AASS: variants seen among roughly 807,000 people sequenced by gnomAD.
AASS encodes the protein alpha-aminoadipic semialdehyde synthase, mitochondrial.
Under a neutral mutation model 105.4 loss-of-function variants are expected in AASS, and 86 were observed. The ratio of observed to expected loss-of-function variants is 0.82; its 90% CI spans 0.69 to 0.98. The LOEUF is 0.98. Among genes scored for constraint, AASS ranks in the 50% least tolerant of loss-of-function variants. The pLI, the probability that AASS is intolerant of heterozygous loss-of-function variation, is 0.00. For synonymous variants in AASS, 381 were observed against 394.8 expected, an observed-to-expected ratio of 0.96 and a Z score of 0.41; for missense variants, 1,048 against 1,143.2, an observed-to-expected ratio of 0.92 and a Z score of 1.20.
chr7:122,107,867 C>T (rs1366312816), intron 11 of AASS, among the ~76,000 whole-genome samples: 2 of 150,228 alleles, frequency 1.3e-5, no homozygotes, highest in Non-Finnish European at 2.9e-5. Flanking sequence ...AACAAACCTG[C>T]ACATGTACCC....
intron 9 of AASS, among the ~76,000 whole-genome samples, chr7:122,114,520 G>A: frequency 6.6e-6 from 1 of 152,216 alleles, no homozygotes; most frequent in South Asian, 2.1e-4. Context: ...CAACGTACTA[G>A]GTGCTTGTGG....
chr7:122,108,968 C>T (rs1177026940), intron 11 of AASS, among the ~76,000 whole-genome samples: 1 of 151,832 alleles, frequency 6.6e-6, no homozygotes, highest in Non-Finnish European at 1.5e-5. Context: ...TTGCAGAATG[C>T]AAAATCAACA....
chr7:122,098,293 G>A (rs1369876329), intron 15 of AASS, among the ~76,000 whole-genome samples, 157 bp downstream of exon 15: 1 of 151,708 alleles, frequency 6.6e-6, no homozygotes, highest in Non-Finnish European at 1.5e-5. Context: ...AAAATTCATT[G>A]AGCTATATAC....
At chr7:122,108,661 G>A (rs934498679) in intron 11 of AASS, among the ~76,000 whole-genome samples, 13 of 151,942 alleles carry the variant, frequency 8.6e-5, no homozygotes, top group Admixed American at 7.9e-4. Flanking sequence ...TTGGCATACA[G>A]GGTACATACC....
chr7:122,084,465 A>G (rs538079884), intron 19 of AASS, among the ~76,000 whole-genome samples: 1 of 152,306 alleles, frequency 6.6e-6, no homozygotes, highest in South Asian at 2.1e-4. Flanking sequence ...TTTTCTTTTT[A>G]AGAACAGATA....
chr7:122,113,576 C>T, intron 10 of AASS, 22 bp downstream of exon 10: 1 of 1,612,522 alleles, frequency 6.2e-7, no homozygotes, highest in Non-Finnish European at 8.5e-7. Context: ...GGAATATCAT[C>T]TAACAACTTT....
At chr7:122,089,501 C>A (rs1174531269) in intron 18 of AASS, among the ~76,000 whole-genome samples, 1 of 152,152 alleles carries the variant, frequency 6.6e-6, no homozygotes, top group East Asian at 1.9e-4. Context: ...AAGAGGAGAA[C>A]TTCGAATTCA....
At chr7:122,118,661 A>G (rs376385622) in intron 4 of AASS, 31 bp from the exon 5 acceptor site, 2 of 1,605,058 alleles carry the variant, frequency 1.2e-6, no homozygotes, top group African/African-American at 1.3e-5. Context: ...TAGAAAGACT[A>G]TTAGTTGGGA....
intron 4 of AASS, among the ~76,000 whole-genome samples, chr7:122,123,312 A>G (rs559127408): frequency 6.6e-6 from 1 of 152,268 alleles, no homozygotes; most frequent in East Asian, 1.9e-4. Flanking sequence ...ACATTTCCAT[A>G]TTCATACCAT....
At chr7:122,102,332 T>C (rs1264274807) in intron 11 of AASS, among the ~76,000 whole-genome samples, 1 of 151,952 alleles carries the variant, frequency 6.6e-6, no homozygotes, top group Admixed American at 6.6e-5. Context: ...GTCCTCCTCT[T>C]TTCTCCCAAG....
At chr7:122,136,459 C>T (rs1482490530) in intron 1 of AASS, among the ~76,000 whole-genome samples, 4 of 152,132 alleles carry the variant, frequency 2.6e-5, no homozygotes. Context: ...AATAGATTAT[C>T]AACATTTCAG....
At chr7:122,101,803 A>T in intron 11 of AASS, 123 bp from the exon 12 acceptor site, 1 of 762,930 alleles carries the variant, frequency 1.3e-6, no homozygotes, top group Non-Finnish European at 2.3e-6. Flanking sequence ...TTTTCTGAGG[A>T]TCACCGAGTA....
chr7:122,115,140 T>C lies in AASS; in HGVS notation c.977A>G (p.Gln326Arg). The C allele has an allele frequency of 1.9e-6, 3 of 1,614,176 alleles. No homozygotes were observed. The change falls in exon 9 of 24, where the codon CAG (glutamine) becomes CGG (arginine). Residue 326 changes from glutamine (Q) to arginine (R), a missense_variant. Coordinates refer to ENST00000417368, the MANE Select transcript of AASS (RefSeq NM_005763.4). ...TPRLLTRQDA[Q>R]SLLAPGKFSP... is the part of the protein sequence containing the mutation. ...GAACTTGCCCGGAGCCAGGAGACTCTGAGCATCTTGGCGGGTTAGGAGGCG... is the reference window on the plus strand; with the variant it reads ...GAACTTGCCCGGAGCCAGGAGACTCCGAGCATCTTGGCGGGTTAGGAGGCG...
chr7:122,078,158 C>G, intron 22 of AASS, 144 bp from the exon 23 acceptor site: 1 of 798,954 alleles, frequency 1.3e-6, no homozygotes, highest in South Asian at 1.5e-5. Context: ...AGCTTTTTAG[C>G]CCAAAGTCAA....
At chr7:122,079,000 T>C (rs541318195) in intron 21 of AASS, 50 bp from the exon 22 acceptor site, 2 of 1,613,820 alleles carry the variant, frequency 1.2e-6, no homozygotes, top group Non-Finnish European at 8.5e-7. Flanking sequence ...ATACATGTTC[T>C]CATTTGGGAA....
At chr7:122,141,939 G>A (rs1796419905) in intron 1 of AASS, among the ~76,000 whole-genome samples, 1 of 152,100 alleles carries the variant, frequency 6.6e-6, no homozygotes, top group Non-Finnish European at 1.5e-5. Flanking sequence ...ACATAAATAG[G>A]CACTCTGACT....
At position 122,129,465 on chromosome 7, in the gene AASS, G is replaced by T. The variant is rs377076318; in HGVS notation, c.283C>A (p.Pro95Thr). The T allele has an allele frequency of 7.3e-5, 118 of 1,613,278 alleles. No homozygotes were observed. The highest frequency in any genetic ancestry group is 9.5e-5 in the Non-Finnish European group (112 of 1,179,614). Residue 95 changes from proline to threonine, a missense_variant, in exon 3 of 24, where the codon CCT (proline) becomes ACT (threonine). Physicochemically the swap from Pro to Thr is conservative, Grantham distance 38. Transcript: ENST00000417368. ...EACLILGVKR[P>T]PEEKLMSRKT... Reference sequence around the variant, plus strand: ...CTGGACATTAATTTTTCCTCTGGAGGTCTTTTAACTCCTAAAATTAGACAA... The same window carrying T: ...CTGGACATTAATTTTTCCTCTGGAGTTCTTTTAACTCCTAAAATTAGACAA...
intron 9 of AASS, 27 bp downstream of exon 9, chr7:122,115,047 C>T: frequency 6.2e-7 from 1 of 1,614,064 alleles, no homozygotes; most frequent in South Asian, 1.1e-5. Context: ...GTCAAAACTA[C>T]TATCGTTGCT....
At chr7:122,093,476 G>A (rs1028087791) in intron 15 of AASS, among the ~76,000 whole-genome samples, 5 of 152,056 alleles carry the variant, frequency 3.3e-5, no homozygotes, top group African/African-American at 9.7e-5. Flanking sequence ...AGCACTATTC[G>A]CAATAACAAA....
Sources: gnomAD v4.1 joint callset for allele counts (sites outside exome capture counted in the v4.1 genomes callset) on GRCh38, gnomAD v4.1.1 for gene constraint, MANE v1.5 for transcripts, NCBI Gene and HGNC (gene_info 2026-07-23, HGNC 2026-07-21) for gene names.